The following CSMD3 variants were observed in gnomAD, a reference collection of about 807,000 sequenced individuals.
CSMD3 encodes the protein CUB and sushi domain-containing protein 3.
A neutral mutation model predicts 435.2 loss-of-function variants in CSMD3; 177 were observed. That is an observed-to-expected ratio of 0.41 (90% confidence interval 0.36 to 0.46). The LOEUF (loss-of-function observed/expected upper bound fraction) is 0.46. Ranked by LOEUF, CSMD3 falls within the 20% of genes least tolerant of loss-of-function variation. CSMD3 has a pLI of 0.34. For synonymous variants in CSMD3, 1,656 were observed against 1,520.5 expected, an observed-to-expected ratio of 1.09 and a Z score of -2.07; for missense variants, 4,265 against 4,504.6, an observed-to-expected ratio of 0.95 and a Z score of 1.52.
At chr8:113,209,872 G>A (rs906381229) in intron 3 of CSMD3, among the ~76,000 whole-genome samples, 2 of 151,886 alleles carry the variant, frequency 1.3e-5, no homozygotes, top group African/African-American at 4.8e-5. Flanking sequence ...CATTTATTAT[G>A]TTATTTTTGT....
intron 17 of CSMD3, 67 bp from the exon 18 acceptor site, chr8:112,656,408 G>T (rs1324772778): frequency 6.7e-6 from 8 of 1,187,772 alleles, no homozygotes; most frequent in Middle Eastern, 3.9e-4. Flanking sequence ...TAATGCTTTG[G>T]ACTGCTATTT....
intron 22 of CSMD3, among the ~76,000 whole-genome samples, chr8:112,593,875 G>A (rs964696099): frequency 3.3e-5 from 5 of 152,158 alleles, no homozygotes; most frequent in African/African-American, 1.2e-4. Context: ...AGGGTCAGGG[G>A]TGATACAGGT....
chr8:112,337,779 G>T, intron 42 of CSMD3, 48 bp from the exon 43 acceptor site: 3 of 1,465,556 alleles, frequency 2.0e-6, no homozygotes, highest in Non-Finnish European at 2.8e-6. Context: ...AATTTCAGAG[G>T]CCACAGATAG....
chr8:113,108,635 G>A (rs1368984974), intron 4 of CSMD3, among the ~76,000 whole-genome samples: 1 of 152,020 alleles, frequency 6.6e-6, no homozygotes. Flanking sequence ...CTTAATGAGT[G>A]AATTTAGCAG....
chr8:112,787,849 G>A (rs570985444), intron 13 of CSMD3, among the ~76,000 whole-genome samples: 86 of 152,236 alleles, frequency 5.6e-4, no homozygotes, highest in Non-Finnish European at 1.0e-3. Flanking sequence ...CAAAAATACA[G>A]TTAGATTGAA....
At chr8:113,228,201 A>G (rs1388652394) in intron 3 of CSMD3, among the ~76,000 whole-genome samples, 1 of 151,632 alleles carries the variant, frequency 6.6e-6, no homozygotes, top group Non-Finnish European at 1.5e-5. Flanking sequence ...AACTTGAAAC[A>G]TTTTGATTTT....
intron 1 of CSMD3, among the ~76,000 whole-genome samples, chr8:113,413,402 A>C (rs1199633880): frequency 1.3e-5 from 2 of 152,124 alleles, no homozygotes; most frequent in African/African-American, 2.4e-5. Context: ...TTGTATTCTA[A>C]CTATTGCAAA....
intron 6 of CSMD3, among the ~76,000 whole-genome samples, chr8:112,995,347 G>A (rs1181279084): frequency 1.3e-5 from 2 of 151,448 alleles, no homozygotes; most frequent in African/African-American, 2.4e-5. Flanking sequence ...ATAATAATGT[G>A]AGGGGAATTA....
intron 36 of CSMD3, among the ~76,000 whole-genome samples, chr8:112,389,387 A>C (rs1354102854): frequency 6.6e-6 from 1 of 152,218 alleles, no homozygotes; most frequent in Non-Finnish European, 1.5e-5. Flanking sequence ...GGGCAATCCC[A>C]AAATCCTTAT....
intron 70 of CSMD3, among the ~76,000 whole-genome samples, chr8:112,227,435 C>T (rs1812675386): frequency 1.3e-5 from 2 of 152,064 alleles, no homozygotes; most frequent in Non-Finnish European, 2.9e-5. Flanking sequence ...GTACAGTTTC[C>T]CTTTGGCATT....
chr8:112,910,419 G>A (rs2130527948), intron 10 of CSMD3, among the ~76,000 whole-genome samples: 1 of 151,820 alleles, frequency 6.6e-6, no homozygotes, highest in Non-Finnish European at 1.5e-5. Context: ...GGGGTAGAGG[G>A]TTCTGCCATT....
chr8:113,372,649 T>A (rs775503361), intron 1 of CSMD3, among the ~76,000 whole-genome samples: 1 of 152,220 alleles, frequency 6.6e-6, no homozygotes, highest in East Asian at 1.9e-4. Context: ...AAAGACACAT[T>A]TAGGCCGGGC....
chr8:113,098,306 G>C (rs1235057898), intron 5 of CSMD3, among the ~76,000 whole-genome samples: 1 of 151,932 alleles, frequency 6.6e-6, no homozygotes, highest in Non-Finnish European at 1.5e-5. Flanking sequence ...TGTCTTAAAA[G>C]CATGTTCTGA....
intron 1 of CSMD3, among the ~76,000 whole-genome samples, chr8:113,371,092 T>C (rs2094343808): frequency 6.6e-6 from 1 of 152,062 alleles, no homozygotes; most frequent in African/African-American, 2.4e-5. Context: ...CCATAGTTTT[T>C]GAAGAGTAAT....
chr8:113,326,103 T>C (rs768039082), intron 1 of CSMD3, among the ~76,000 whole-genome samples: 7 of 152,290 alleles, frequency 4.6e-5, no homozygotes, highest in South Asian at 2.1e-4. Context: ...ACTTAGCTAG[T>C]TTTTCATGGT....
intron 12 of CSMD3, among the ~76,000 whole-genome samples, chr8:112,821,532 T>C (rs188837188): frequency 7.2e-4 from 109 of 152,316 alleles, no homozygotes; most frequent in African/African-American, 2.5e-3. Context: ...TTAAGTTCCT[T>C]GTAGATTCTG....
At chr8:112,395,810 A>G (rs892551234) in intron 35 of CSMD3, among the ~76,000 whole-genome samples, 1 of 152,192 alleles carries the variant, frequency 6.6e-6, no homozygotes, top group Non-Finnish European at 1.5e-5. Context: ...GTGAAATGTA[A>G]CAAGGTCAAA....
intron 1 of CSMD3, among the ~76,000 whole-genome samples, chr8:113,430,343 C>T (rs2130065798): frequency 6.6e-6 from 1 of 151,542 alleles, no homozygotes; most frequent in Admixed American, 6.7e-5. Flanking sequence ...TATGTCATCT[C>T]CCTATAAACC....
chr8:112,460,368 A>AG (rs1206540924), intron 32 of CSMD3, among the ~76,000 whole-genome samples: 1 of 152,038 alleles, frequency 6.6e-6, no homozygotes, highest in Non-Finnish European at 1.5e-5. Flanking sequence ...GGAGAAGCAA[A>AG]GGGGTTAAGT....
Sources: allele counts gnomAD v4.1 joint callset (sites outside exome capture counted in the v4.1 genomes callset), GRCh38; gene constraint gnomAD v4.1.1; transcripts MANE v1.5; gene names NCBI Gene and HGNC (gene_info 2026-07-23, HGNC 2026-07-21).